TRMT9B: variants seen among roughly 807,000 people sequenced by gnomAD.
The protein encoded by TRMT9B is probable tRNA methyltransferase 9B.
Under a neutral mutation model 11.5 loss-of-function variants are expected in TRMT9B, and 16 were observed. That is an observed-to-expected ratio of 1.39 (90% confidence interval 0.94 to 2.11). The LOEUF is 2.11. Among genes scored for constraint, TRMT9B ranks in the 30% most tolerant of loss-of-function variants. The probability of loss-of-function intolerance (pLI) is 0.00; values close to 1 mark genes in which losing one functional copy is unlikely to be tolerated. For synonymous variants in TRMT9B, 274 were observed against 192.4 expected, an observed-to-expected ratio of 1.42 and a Z score of -3.51; for missense variants, 941 against 553.8, an observed-to-expected ratio of 1.70 and a Z score of -7.02.
intron 1 of TRMT9B, chr8:12,952,151 A>G (rs1800711340): frequency 2.2e-6 from 1 of 453,744 alleles, no homozygotes; most frequent in Admixed American, 2.4e-5. Context: ...CGCTGTGACT[A>G]CTCGCAACGG....
chr8:12,993,059 G>A (rs1040721117), intron 2 of TRMT9B, among the ~76,000 whole-genome samples: 8 of 152,160 alleles, frequency 5.3e-5, no homozygotes, highest in Non-Finnish European at 1.2e-4. Flanking sequence ...ACCTGAATAA[G>A]GTCCTGAGCA....
chr8:13,009,147 G>A (rs1176388916), intron 3 of TRMT9B, among the ~76,000 whole-genome samples: 1 of 152,174 alleles, frequency 6.6e-6, no homozygotes, highest in Non-Finnish European at 1.5e-5. Flanking sequence ...AAATCAGCCA[G>A]GCACAGAAAG....
chr8:13,007,904 C>A (rs946483513), intron 3 of TRMT9B, among the ~76,000 whole-genome samples: 2 of 152,110 alleles, frequency 1.3e-5, no homozygotes, highest in African/African-American at 4.8e-5. Context: ...TTAAAATATT[C>A]TCAGAGGCAA....
intron 1 of TRMT9B, among the ~76,000 whole-genome samples, chr8:12,977,742 C>T (rs1804686454): frequency 6.6e-6 from 1 of 151,624 alleles, no homozygotes; most frequent in Non-Finnish European, 1.5e-5. Context: ...CAGCTGGGTG[C>T]AGTGGCTCAT....
intron 2 of TRMT9B, 58 bp downstream of exon 2, chr8:12,991,089 G>T: frequency 2.3e-6 from 2 of 855,808 alleles, no homozygotes; most frequent in South Asian, 2.4e-5. Context: ...TTAGCAATGT[G>T]CATATTTAGT....
chr8:13,004,765 C>T (rs1399331081), intron 2 of TRMT9B, among the ~76,000 whole-genome samples: 1 of 152,070 alleles, frequency 6.6e-6, no homozygotes, highest in African/African-American at 2.4e-5. Context: ...TGGGGCAACA[C>T]TCCTGCTTAA....
chr8:13,000,248 C>A (rs1809166517), intron 2 of TRMT9B, among the ~76,000 whole-genome samples: 3 of 152,132 alleles, frequency 2.0e-5, no homozygotes, highest in African/African-American at 7.2e-5. Flanking sequence ...TAGGGTTTAT[C>A]TGAATTCAAG....
intron 1 of TRMT9B, among the ~76,000 whole-genome samples, chr8:12,947,506 G>A (rs960466685): frequency 4.7e-4 from 71 of 152,334 alleles, no homozygotes; most frequent in South Asian, 1.0e-3. Context: ...CTTAGACCAC[G>A]TCCTTGAATA....
intron 3 of TRMT9B, chr8:13,006,751 C>G: frequency 1.2e-6 from 1 of 829,684 alleles, no homozygotes; most frequent in Non-Finnish European, 1.6e-6. Flanking sequence ...TTGCTGCAAA[C>G]TCCGCCTCCC....
intron 2 of TRMT9B, among the ~76,000 whole-genome samples, chr8:12,991,472 T>G (rs1200165291): frequency 4.6e-5 from 7 of 152,222 alleles, no homozygotes; most frequent in African/African-American, 1.7e-4. Flanking sequence ...CATTTTCACT[T>G]TAGAATTGTA....
chr8:12,999,102 C>G (rs944163484), intron 2 of TRMT9B, among the ~76,000 whole-genome samples: 2 of 151,924 alleles, frequency 1.3e-5, no homozygotes, highest in African/African-American at 4.8e-5. Context: ...TGTTCAAGAC[C>G]AGCCTAACCA....
At chr8:12,972,172 G>T (rs1239136471) in intron 1 of TRMT9B, among the ~76,000 whole-genome samples, 2 of 152,162 alleles carry the variant, frequency 1.3e-5, no homozygotes, top group African/African-American at 2.4e-5. Context: ...GAGGCAGGAT[G>T]GCAAGAACAA....
At position 13,022,112 on chromosome 8, in the gene TRMT9B, C is replaced by T. The variant is rs1404049355; in HGVS notation, c.*68C>T. ...CTTTCCTCTTGGTTTGATATGGTTA[C>T]CTGAATTTGCATTCAGTGTTATTTG... On this transcript the variant is annotated 3_prime_UTR_variant, in exon 5 of 5. Transcript: ENST00000524591. The T allele has an allele frequency of 7.2e-6, 8 of 1,114,958 alleles. No individual in the cohort carries two copies. The highest frequency in any genetic ancestry group is 1.6e-5 in the South Asian group (1 of 60,692). The allele number at this position is 1,114,958 out of a possible 1,614,324, so 69.1% of individuals were successfully genotyped here.
At chr8:12,981,034 G>A (rs958178429) in intron 1 of TRMT9B, among the ~76,000 whole-genome samples, 3 of 151,232 alleles carry the variant, frequency 2.0e-5, no homozygotes, top group African/African-American at 4.9e-5. Flanking sequence ...ATAAATCCAC[G>A]AAGTCACTAT....
At chr8:12,976,176 C>G (rs1481038986) in intron 1 of TRMT9B, among the ~76,000 whole-genome samples, 17 of 152,172 alleles carry the variant, frequency 1.1e-4, no homozygotes, top group Admixed American at 1.1e-3. Context: ...GCTCCTGCTG[C>G]CACCCTCGGC....
At chr8:12,999,745 A>G (rs556632459) in intron 2 of TRMT9B, among the ~76,000 whole-genome samples, 62 of 152,292 alleles carry the variant, frequency 4.1e-4, no homozygotes, top group Non-Finnish European at 7.4e-4. Context: ...CACATGACAT[A>G]TTTCAAGTGC....
At position 13,022,168 on chromosome 8, in the gene TRMT9B, CTA is replaced by C. The variant is rs1222861261; in HGVS notation, c.*126_*127del. 2 of 657,012 alleles carry C rather than the reference CTA, an allele frequency of 3.0e-6. No individual in the cohort carries two copies. The highest frequency in any genetic ancestry group is 5.1e-5 in the South Asian group (2 of 39,310). The allele number at this position is 657,012 out of a possible 1,614,324, so 40.7% of individuals were successfully genotyped here. ...CCATTTACGCTTTGGTCTGCAGAGA[CTA>C]TTAATTATTTGGTTGTTTTGTTTTC... is the stretch of plus-strand genomic sequence containing the variant. On this transcript the variant is annotated 3_prime_UTR_variant, in exon 5 of 5. Transcript: ENST00000524591.
rs1028282304 is a variant in TRMT9B, at chr8:13,025,904, T to C, written c.*3860T>C. ...TGACCATCAATTCAATAGGCAAAAA[T>C]TTGGAGTAATCCAGAGAAAAAACCA... On this transcript the variant is annotated 3_prime_UTR_variant, in exon 5 of 5. Transcript: ENST00000524591. 1 of 166,832 alleles carries C rather than the reference T, an allele frequency of 6.0e-6. No individual in the cohort carries two copies. The highest frequency in any genetic ancestry group is 1.5e-5 in the Non-Finnish European group (1 of 68,116). The allele number at this position is 166,832 out of a possible 1,614,324, so 10.3% of individuals were successfully genotyped here.
intron 1 of TRMT9B, among the ~76,000 whole-genome samples, chr8:12,973,971 G>C (rs762331182): frequency 5.3e-5 from 8 of 152,120 alleles, no homozygotes. Flanking sequence ...ACCAGCCTGA[G>C]CATTATAGTG....
Sources: gnomAD v4.1 joint callset for allele counts (sites outside exome capture counted in the v4.1 genomes callset) on GRCh38, gnomAD v4.1.1 for gene constraint, MANE v1.5 for transcripts, NCBI Gene and HGNC (gene_info 2026-07-23, HGNC 2026-07-21) for gene names.